Variants in ANKS1B observed in about 807,000 individuals in gnomAD.
The protein encoded by ANKS1B is ankyrin repeat and sterile alpha motif domain containing 1B, also known as ankyrin repeat and sterile alpha motif domain-containing protein 1B.
A neutral mutation model predicts 148.3 loss-of-function variants in ANKS1B; 36 were observed. The ratio of observed to expected loss-of-function variants is 0.24; its 90% CI spans 0.19 to 0.32. The LOEUF is 0.32. Ranked by LOEUF, ANKS1B falls within the 10% of genes least tolerant of loss-of-function variation. ANKS1B has a pLI of 1.00. For synonymous variants in ANKS1B, 542 were observed against 560.8 expected (o/e 0.97, Z 0.47); for missense variants, 1,157 against 1,542.6 (o/e 0.75, Z 4.19).
intron 20 of ANKS1B, among the ~76,000 whole-genome samples, chr12:98,803,748 A>G (rs1340159548): frequency 6.6e-6 from 1 of 152,234 alleles, no homozygotes; most frequent in African/African-American, 2.4e-5. Flanking sequence ...AGGGTTATGA[A>G]AACATTTCAC....
chr12:99,750,229 C>T (rs7961448), intron 8 of ANKS1B, among the ~76,000 whole-genome samples: 66,353 of 151,712 alleles, frequency 0.44, 14,910 homozygotes, highest in South Asian at 0.61. Flanking sequence ...TTCAAGATAA[C>T]CACTCTAAAC....
intron 1 of ANKS1B, among the ~76,000 whole-genome samples, chr12:99,919,915 T>C (rs1415845041): frequency 2.0e-5 from 3 of 152,230 alleles, no homozygotes; most frequent in Non-Finnish European, 4.4e-5. Flanking sequence ...TTGTTAGATT[T>C]AACTTCATTT....
chr12:99,609,894 TTA>T (rs2097885761), intron 9 of ANKS1B, among the ~76,000 whole-genome samples: 1 of 152,086 alleles, frequency 6.6e-6, no homozygotes, highest in Non-Finnish European at 1.5e-5. Flanking sequence ...CAACCAGGCA[TTA>T]TAGACAGAGA....
intron 14 of ANKS1B, among the ~76,000 whole-genome samples, chr12:99,228,293 T>G (rs911226445): frequency 6.6e-6 from 1 of 152,162 alleles, no homozygotes; most frequent in Non-Finnish European, 1.5e-5. Flanking sequence ...ATAAGTTATT[T>G]ACTTTACTAA....
At position 99,352,468 on chromosome 12, in the gene ANKS1B, A is replaced by G. The variant is rs117221608; in HGVS notation, c.1756+47163T>C. ...CAGAGAAACACCAAACGACTTCAAAAAAAACCACACTGACTTGAGTTCTGG... is the reference window on the plus strand; with the variant it reads ...CAGAGAAACACCAAACGACTTCAAAGAAAACCACACTGACTTGAGTTCTGG... On this transcript the variant is annotated intron_variant, in intron 12 of 26. Transcript: ENST00000683438. 6.9e-3 allele frequency among the ~76,000 whole-genome samples: 1,054 copies of G among 152,122 alleles called. 8 individuals are homozygous for G. The highest frequency in any genetic ancestry group is 0.012 in the Non-Finnish European group (790 of 67,946).
At chr12:99,604,516 A>G (rs2097834656) in intron 9 of ANKS1B, among the ~76,000 whole-genome samples, 1 of 152,088 alleles carries the variant, frequency 6.6e-6, no homozygotes, top group African/African-American at 2.4e-5. Flanking sequence ...CAAAATGACA[A>G]TAAAAAATGT....
intron 9 of ANKS1B, among the ~76,000 whole-genome samples, chr12:99,606,784 T>C (rs578061484): frequency 6.6e-6 from 1 of 152,140 alleles, no homozygotes; most frequent in African/African-American, 2.4e-5. Flanking sequence ...TTAACAGTTA[T>C]GTTTAAATTG....
intron 17 of ANKS1B, among the ~76,000 whole-genome samples, chr12:98,907,614 T>C (rs2099781159): frequency 6.6e-6 from 1 of 152,190 alleles, no homozygotes; most frequent in Admixed American, 6.5e-5. Flanking sequence ...CATGGCTTTT[T>C]GGGGTAGGCA....
intron 4 of ANKS1B, among the ~76,000 whole-genome samples, chr12:99,798,376 C>T (rs1412724345): frequency 3.3e-5 from 5 of 150,444 alleles, no homozygotes; most frequent in Non-Finnish European, 7.4e-5. Flanking sequence ...AAATAAAATT[C>T]CCTAGTACCC....
At chr12:98,884,764 A>T (rs2099735057) in intron 17 of ANKS1B, among the ~76,000 whole-genome samples, 1 of 145,292 alleles carries the variant, frequency 6.9e-6, no homozygotes, top group Admixed American at 7.2e-5. Flanking sequence ...GCGCCACTGC[A>T]GTCCGCAGTC....
chr12:99,432,871 G>A (rs999828845), intron 11 of ANKS1B, among the ~76,000 whole-genome samples: 3 of 152,140 alleles, frequency 2.0e-5, no homozygotes, highest in Non-Finnish European at 2.9e-5. Context: ...ATTAAACAAC[G>A]TGGAGAACGG....
intron 23 of ANKS1B, 94 bp from the exon 24 acceptor site, chr12:98,781,297 A>G (rs1437877542): frequency 1.4e-6 from 1 of 712,630 alleles, no homozygotes; most frequent in African/African-American, 1.8e-5. Flanking sequence ...GATGAGCTCA[A>G]ATTAAAAACA....
chr12:99,154,045 A>G (rs1474405984), intron 15 of ANKS1B, among the ~76,000 whole-genome samples: 3 of 152,190 alleles, frequency 2.0e-5, no homozygotes, highest in East Asian at 3.9e-4. Flanking sequence ...CTGCCTATAA[A>G]TAGCACTCTC....
chr12:99,727,591 T>C (rs145656272), intron 8 of ANKS1B, among the ~76,000 whole-genome samples: 2,911 of 152,260 alleles, frequency 0.019, 100 homozygotes, highest in African/African-American at 0.066. Context: ...TTCAATGCTA[T>C]TCCCATCAAG....
chr12:98,912,327 G>A (rs921016827), intron 17 of ANKS1B, among the ~76,000 whole-genome samples: 23 of 152,136 alleles, frequency 1.5e-4, no homozygotes, highest in African/African-American at 5.3e-4. Flanking sequence ...CTGAGCACTC[G>A]CTACCAGAGA....
intron 9 of ANKS1B, among the ~76,000 whole-genome samples, chr12:99,572,407 C>T (rs968851904): frequency 2.0e-5 from 3 of 151,988 alleles, no homozygotes; most frequent in African/African-American, 7.2e-5. Context: ...TGAGATTAAT[C>T]TTATGCCAGG....
chr12:99,701,731 C>T (rs576368799), intron 8 of ANKS1B, among the ~76,000 whole-genome samples: 1 of 152,218 alleles, frequency 6.6e-6, no homozygotes, highest in East Asian at 1.9e-4. Context: ...ATTTTACTCT[C>T]TGTCCCCATA....
intron 17 of ANKS1B, among the ~76,000 whole-genome samples, chr12:98,924,959 T>A (rs2099806171): frequency 6.6e-6 from 1 of 152,174 alleles, no homozygotes; most frequent in Admixed American, 6.5e-5. Flanking sequence ...CTCCAAAAAA[T>A]TTAATATTCA....
At chr12:99,136,000 A>T (rs2067918505) in intron 15 of ANKS1B, among the ~76,000 whole-genome samples, 2 of 152,216 alleles carry the variant, frequency 1.3e-5, no homozygotes, top group African/African-American at 4.8e-5. Context: ...AAAAACAGAT[A>T]GTATGATGGA....
Sources: gnomAD v4.1 joint callset for allele counts (sites outside exome capture counted in the v4.1 genomes callset) on GRCh38, gnomAD v4.1.1 for gene constraint, MANE v1.5 for transcripts, NCBI Gene and HGNC (gene_info 2026-07-23, HGNC 2026-07-21) for gene names.